Variants in UBXN2A observed in about 807,000 individuals in gnomAD.
The protein encoded by UBXN2A is UBX domain-containing protein 2A.
Under a neutral mutation model 28.4 loss-of-function variants are expected in UBXN2A, and 28 were observed. The ratio of observed to expected loss-of-function variants is 0.99; its 90% CI spans 0.73 to 1.35. The LOEUF is 1.35. Ranked by LOEUF, UBXN2A falls within the 40% of genes most tolerant of loss-of-function variation. The probability of loss-of-function intolerance (pLI) is 0.00; values close to 1 mark genes in which losing one functional copy is unlikely to be tolerated. For synonymous variants in UBXN2A, 97 were observed against 103.6 expected (o/e 0.94, Z 0.39); for missense variants, 253 against 297.9 (o/e 0.85, Z 1.11).
At chr2:23,983,339 C>T (rs953343860) in intron 5 of UBXN2A, among the ~76,000 whole-genome samples, 4 of 152,024 alleles carry the variant, frequency 2.6e-5, no homozygotes, top group African/African-American at 9.7e-5. Context: ...AACCCCGTCT[C>T]TACTAAAAAT....
intron 3 of UBXN2A, among the ~76,000 whole-genome samples, chr2:23,975,920 C>G (rs897833096): frequency 1.3e-5 from 2 of 152,360 alleles, no homozygotes; most frequent in African/African-American, 4.8e-5. Flanking sequence ...GCCACCACAT[C>G]TGGCCACATC....
intron 6 of UBXN2A, among the ~76,000 whole-genome samples, chr2:23,988,845 CA>C (rs1708232150): frequency 6.6e-6 from 1 of 152,122 alleles, no homozygotes; most frequent in African/African-American, 2.4e-5. Context: ...TTGATATGCA[CA>C]TTGTCTCAGG....
intron 2 of UBXN2A, among the ~76,000 whole-genome samples, chr2:23,967,052 C>T (rs1250781559): frequency 4.6e-5 from 7 of 152,020 alleles, no homozygotes; most frequent in African/African-American, 1.4e-4. Context: ...GCCATTGTGC[C>T]TGGCTGTATT....
Position 23,982,989 on chromosome 2 carries a change from G to A in UBXN2A, c.381G>A (p.Lys127=). ...AAAATGAAATATGTTTGTCTACGAA[G>A]CCTGTGTTCCAGCCCTTTTCAGGAC... ...DKKNEICLST[K]PVFQPFSGQG... The change falls in exon 5 of 7, where the codon AAG becomes AAA. Residue 127 remains lysine (K), a synonymous_variant. Coordinates refer to ENST00000309033, the MANE Select transcript of UBXN2A (RefSeq NM_181713.4). 1.2e-6 allele frequency: 2 copies of A among 1,611,624 alleles called. No homozygotes were observed. Among genetic ancestry groups the A allele is most frequent in the Admixed American group, 3.3e-5 (2 of 59,788 alleles).
upstream of UBXN2A, among the ~76,000 whole-genome samples, chr2:23,936,382 T>TG (rs1167703486): frequency 2.0e-5 from 3 of 152,166 alleles, no homozygotes; most frequent in East Asian, 3.9e-4. Flanking sequence ...TCCACGTATA[T>TG]GAGGTATCTA....
At chr2:23,944,418 T>A in intron 1 of UBXN2A, 1 of 1,082,558 alleles carries the variant, frequency 9.2e-7, no homozygotes, top group East Asian at 2.6e-5. Context: ...AGTTTGTCAG[T>A]CTTATCTCCA....
exon 1 of UBXN2A, chr2:23,927,522 G>A (rs1558825284): frequency 6.6e-6 from 1 of 151,604 alleles, no homozygotes; most frequent in Non-Finnish European, 1.5e-5. Context: ...CCCGAGGCAA[G>A]ACACTGAACT....
chr2:23,957,394 C>A (rs1378386930), intron 1 of UBXN2A, among the ~76,000 whole-genome samples: 1 of 152,144 alleles, frequency 6.6e-6, no homozygotes, highest in Admixed American at 6.5e-5. Flanking sequence ...CCTCTGCCTC[C>A]CAGGTTCAAG....
chr2:23,971,885 G>A (rs1707437392), intron 3 of UBXN2A, among the ~76,000 whole-genome samples: 1 of 151,836 alleles, frequency 6.6e-6, no homozygotes, highest in Non-Finnish European at 1.5e-5. Context: ...GATCACTTGA[G>A]CCTAGGAGTT....
chr2:23,963,071 G>A (rs1046701142), intron 2 of UBXN2A, among the ~76,000 whole-genome samples: 2 of 152,156 alleles, frequency 1.3e-5, no homozygotes, highest in Admixed American at 6.5e-5. Context: ...ATCACGTCTC[G>A]TGAGACTTAT....
intron 6 of UBXN2A, among the ~76,000 whole-genome samples, chr2:23,986,613 C>CT (rs1240438686): frequency 1.2e-3 from 169 of 137,730 alleles, no homozygotes; most frequent in Middle Eastern, 3.7e-3. Context: ...TTCCTAAAAG[C>CT]TTTTTTTTTT....
At chr2:23,939,571 C>A (rs1360847045), upstream of UBXN2A, 1 of 152,618 alleles carries the variant, frequency 6.6e-6, no homozygotes, top group Non-Finnish European at 1.5e-5. Context: ...TCGCTGGCTG[C>A]GGCTGAGGCT....
At chr2:23,927,305 C>G (rs1187261214), upstream of UBXN2A, 1 of 152,418 alleles carries the variant, frequency 6.6e-6, no homozygotes, top group Non-Finnish European at 1.5e-5. Context: ...GACCGCAGGG[C>G]TGGGGCGACC....
intron 6 of UBXN2A, among the ~76,000 whole-genome samples, chr2:23,993,317 T>C (rs959067829): frequency 6.6e-6 from 1 of 152,198 alleles, no homozygotes; most frequent in African/African-American, 2.4e-5. Context: ...ACACGTAGCT[T>C]TTTTTCCCCC....
chr2:23,967,150 G>A (rs1379339883), intron 2 of UBXN2A, among the ~76,000 whole-genome samples: 3 of 152,030 alleles, frequency 2.0e-5, no homozygotes, highest in South Asian at 2.1e-4. Context: ...ACTCTACCCT[G>A]AACCTCTTAT....
At chr2:23,955,131 C>T (rs528437434) in intron 1 of UBXN2A, among the ~76,000 whole-genome samples, 1 of 152,156 alleles carries the variant, frequency 6.6e-6, no homozygotes, top group Admixed American at 6.6e-5. Context: ...CGGGGTTTCA[C>T]CTTGCTGTCC....
chr2:23,976,997 A>G lies in UBXN2A; in HGVS notation c.209A>G (p.Asn70Ser), dbSNP rs1475589078. ...GATGTAAATATAAAATTATGGAAAA[A>G]CGGATTCACCGTCAACGACGATTTC... Reference protein sequence around the residue: ...QVDVNIKLWKNGFTVNDDFRS... With the variant: ...QVDVNIKLWKSGFTVNDDFRS... The change falls in exon 4 of 7, where the codon AAC (asparagine) becomes AGC (serine). Residue 70 changes from asparagine (N) to serine (S), a missense_variant. Coordinates refer to ENST00000309033, the MANE Select transcript of UBXN2A (RefSeq NM_181713.4). The G allele has an allele frequency of 2.5e-6, 4 of 1,611,920 alleles. No homozygotes were observed. The highest frequency in any genetic ancestry group is 3.4e-6 in the Non-Finnish European group (4 of 1,178,218).
At chr2:23,989,577 A>G (rs1288467827) in intron 6 of UBXN2A, among the ~76,000 whole-genome samples, 1 of 151,812 alleles carries the variant, frequency 6.6e-6, no homozygotes, top group East Asian at 2.0e-4. Flanking sequence ...TTATATATCA[A>G]AAACCGTGAA....
chr2:23,945,217 G>A (rs1409978137), intron 1 of UBXN2A, among the ~76,000 whole-genome samples: 5 of 152,136 alleles, frequency 3.3e-5, no homozygotes, highest in Non-Finnish European at 5.9e-5. Flanking sequence ...CTCTGCCTAA[G>A]TGTCACCTTT....
Sources: allele counts gnomAD v4.1 joint callset (sites outside exome capture counted in the v4.1 genomes callset), GRCh38; gene constraint gnomAD v4.1.1; transcripts MANE v1.5; gene names NCBI Gene and HGNC (gene_info 2026-07-23, HGNC 2026-07-21).